RBPJ: variants seen among roughly 807,000 people sequenced by gnomAD.
RBPJ encodes recombining binding protein suppressor of hairless.
RBPJ carries 9 observed loss-of-function variants against 67.8 expected under a neutral mutation model. The ratio of observed to expected loss-of-function variants is 0.13; its 90% CI spans 0.08 to 0.23. RBPJ has a LOEUF of 0.23. RBPJ is among the 10% of genes least tolerant of loss of function. The pLI, the probability that RBPJ is intolerant of heterozygous loss-of-function variation, is 1.00. For synonymous variants in RBPJ, 198 were observed against 203.3 expected (o/e 0.97, Z 0.22); for missense variants, 305 against 595.6 (o/e 0.51, Z 5.08).
chr4:26,341,301 A>G (rs1725499767), intron 1 of RBPJ, among the ~76,000 whole-genome samples: 1 of 152,098 alleles, frequency 6.6e-6, no homozygotes, highest in Non-Finnish European at 1.5e-5. Flanking sequence ...TGATCCAGTC[A>G]GATAACATGT....
chr4:26,386,367 G>A lies in RBPJ; in HGVS notation c.35G>A (p.Arg12Gln), dbSNP rs752309585. ...TTTTTTTCCAGGAAATTTGGTGAGC[G>A]GCCTCCACCTAAACGACTTACTAGG... ...APVVTGKFGE[R>Q]PPPKRLTREA... Residue 12 changes from arginine (R) to glutamine (Q), a missense_variant, in exon 2 of 11, where the codon CGG becomes CAG. Transcript: ENST00000355476. 11 of 1,599,704 alleles carry A rather than the reference G, an allele frequency of 6.9e-6. No individual in the cohort carries two copies. The highest frequency in any genetic ancestry group is 4.1e-5 in the African/African-American group (3 of 73,892).
rs80111260 is a variant in RBPJ, at chr4:26,219,204, C to T, written c.-167+55590C>T. The stretch of plus-strand genomic sequence containing the variant: ...GAGGGAGAACCAGTTCTGGACCCTT[C>T]GTTATGTCACCAGAGGAAGCTCTGC... On this transcript the variant is annotated intron_variant, in intron 1 of 4. Transcript: ENST00000512351. 4.0e-3 allele frequency among the ~76,000 whole-genome samples: 616 copies of T among 152,256 alleles called. 1 individual carries two copies. Among genetic ancestry groups the T allele is most frequent in the African/African-American group, 0.014 (590 of 41,550 alleles).
chr4:26,301,830 T>C (rs1577405244), intron 1 of RBPJ, among the ~76,000 whole-genome samples: 1 of 151,950 alleles, frequency 6.6e-6, no homozygotes, highest in East Asian at 2.0e-4. Flanking sequence ...TCTCACTCTG[T>C]TGCCCAGGCT....
intron 1 of RBPJ, among the ~76,000 whole-genome samples, chr4:26,270,745 C>T (rs1329821037): frequency 6.6e-6 from 1 of 152,146 alleles, no homozygotes; most frequent in African/African-American, 2.4e-5. Flanking sequence ...CCTCTACCCT[C>T]TGAAGGTTTG....
chr4:26,414,681 C>T (rs184356349), intron 3 of RBPJ, among the ~76,000 whole-genome samples: 1 of 152,226 alleles, frequency 6.6e-6, no homozygotes, highest in East Asian at 1.9e-4. Context: ...GAGCCTTGAG[C>T]TAGGCTTTGC....
the RBPJ span, among the ~76,000 whole-genome samples, chr4:26,126,452 C>A: frequency 6.6e-6 from 1 of 152,210 alleles, no homozygotes; most frequent in Admixed American, 6.5e-5. Context: ...TTCCCTTTTC[C>A]ATTTCTGGTA....
At chr4:26,270,768 A>G (rs1222818635) in intron 1 of RBPJ, among the ~76,000 whole-genome samples, 8 of 152,152 alleles carry the variant, frequency 5.3e-5, no homozygotes, top group Admixed American at 1.3e-4. Context: ...AATTGAGTCT[A>G]TGATGTAAAC....
intron 1 of RBPJ, among the ~76,000 whole-genome samples, chr4:26,244,340 CAT>C (rs1170933636): frequency 6.8e-6 from 1 of 146,490 alleles, no homozygotes; most frequent in Admixed American, 6.9e-5. Flanking sequence ...TATGTGTACA[CAT>C]ATGTGTGTAT....
intron 1 of RBPJ, among the ~76,000 whole-genome samples, chr4:26,224,197 A>G (rs1335838118): frequency 6.6e-6 from 1 of 151,150 alleles, no homozygotes; most frequent in African/African-American, 2.4e-5. Flanking sequence ...CTGTACTCCC[A>G]TTTACTCCCA....
intron 1 of RBPJ, among the ~76,000 whole-genome samples, chr4:26,197,370 A>AC (rs1317528075): frequency 6.6e-6 from 1 of 152,300 alleles, no homozygotes; most frequent in Admixed American, 6.5e-5. Context: ...GATGTGCTCT[A>AC]CCATCCAGTA....
chr4:26,381,205 A>C lies in RBPJ; in HGVS notation c.21-5148A>C, dbSNP rs188281775. ...GATAACTTTTATCACATTTGTCCTCAATACATTTATGGTCATATTCACCTA... is the reference window on the plus strand; with the variant it reads ...GATAACTTTTATCACATTTGTCCTCCATACATTTATGGTCATATTCACCTA... On this transcript the variant is annotated intron_variant, in intron 1 of 10. Coordinates refer to ENST00000355476, the MANE Select transcript of RBPJ (RefSeq NM_015874.6). Among the ~76,000 whole-genome samples the C allele has an allele frequency of 7.2e-5, 11 of 151,960 alleles. No homozygotes were observed. The East Asian group carries it at 2.1e-3, about 29-fold the overall frequency.
chr4:26,197,658 A>G (rs1717818203), intron 1 of RBPJ, among the ~76,000 whole-genome samples: 1 of 152,178 alleles, frequency 6.6e-6, no homozygotes, highest in African/African-American at 2.4e-5. Flanking sequence ...GGCAAGAGAG[A>G]AACTACCTGC....
chr4:26,255,409 A>G (rs1370701233), intron 1 of RBPJ, among the ~76,000 whole-genome samples: 11 of 145,352 alleles, frequency 7.6e-5, no homozygotes, highest in Admixed American at 1.4e-4. Context: ...GTCTCAAAAA[A>G]AAAAAAAAAA....
At chr4:26,304,331 G>A (rs891996639) in intron 1 of RBPJ, among the ~76,000 whole-genome samples, 5 of 152,206 alleles carry the variant, frequency 3.3e-5, no homozygotes, top group South Asian at 2.1e-4. Context: ...CTGTATGGAC[G>A]TGTTTTCGGT....
chr4:26,117,109 A>T, the RBPJ span, among the ~76,000 whole-genome samples: 2 of 152,308 alleles, frequency 1.3e-5, no homozygotes, highest in East Asian at 3.9e-4. Context: ...ATGTTAACGG[A>T]GGCAGGAGAG....
chr4:26,283,749 C>T (rs1413864944), intron 1 of RBPJ, among the ~76,000 whole-genome samples: 1 of 151,284 alleles, frequency 6.6e-6, no homozygotes. Flanking sequence ...CAGGTTCAAG[C>T]GATTCTCCTG....
At chr4:26,257,412 C>T (rs114790767) in intron 1 of RBPJ, among the ~76,000 whole-genome samples, 563 of 152,260 alleles carry the variant, frequency 3.7e-3, no homozygotes, top group Non-Finnish European at 5.0e-3. Flanking sequence ...GGTGGATCAC[C>T]GGAAGTTGGA....
intron 1 of RBPJ, among the ~76,000 whole-genome samples, chr4:26,244,195 G>GTGTACACATATA (rs1719760360): frequency 1.4e-5 from 2 of 140,996 alleles, no homozygotes; most frequent in Admixed American, 1.4e-4. Context: ...ATACATATAT[G>GTGTACACATATA]TGTCTATATA....
intron 1 of RBPJ, among the ~76,000 whole-genome samples, chr4:26,200,948 C>G (rs942037427): frequency 7.2e-5 from 11 of 152,170 alleles, no homozygotes; most frequent in Non-Finnish European, 1.3e-4. Flanking sequence ...TCACATCCAC[C>G]TTGTTCTCTG....
Sources: gnomAD v4.1 joint callset for allele counts (sites outside exome capture counted in the v4.1 genomes callset) on GRCh38, gnomAD v4.1.1 for gene constraint, MANE v1.5 for transcripts, NCBI Gene and HGNC (gene_info 2026-07-23, HGNC 2026-07-21) for gene names.